ZNF385D: variants seen among roughly 807,000 people sequenced by gnomAD.
ZNF385D encodes the protein zinc finger protein 385D.
In ZNF385D, 15 loss-of-function variants were observed where a neutral mutation model predicts 35.8. That is an observed-to-expected ratio of 0.42 (90% confidence interval 0.28 to 0.64). ZNF385D has a LOEUF of 0.64. Among genes scored for constraint, ZNF385D ranks in the 30% least tolerant of loss-of-function variants. The pLI is 0.23. For synonymous variants in ZNF385D, 212 were observed against 186.8 expected, an observed-to-expected ratio of 1.13 and a Z score of -1.10; for missense variants, 474 against 494.6, an observed-to-expected ratio of 0.96 and a Z score of 0.39.
At chr3:22,030,711 A>C (rs1277617018) in intron 3 of ZNF385D, among the ~76,000 whole-genome samples, 1 of 151,948 alleles carries the variant, frequency 6.6e-6, no homozygotes, top group Non-Finnish European at 1.5e-5. Context: ...GCCCCTCCTA[A>C]ATCTCATGTC....
chr3:21,764,818 T>C (rs1195649907), intron 3 of ZNF385D, among the ~76,000 whole-genome samples: 1 of 152,130 alleles, frequency 6.6e-6, no homozygotes, highest in Non-Finnish European at 1.5e-5. Flanking sequence ...GAAAATACCA[T>C]AAGTTTTTAC....
intron 3 of ZNF385D, among the ~76,000 whole-genome samples, chr3:21,971,261 A>G (rs1703236702): frequency 6.6e-6 from 1 of 152,044 alleles, no homozygotes; most frequent in African/African-American, 2.4e-5. Flanking sequence ...AATAACTACA[A>G]CAACTTAAGA....
rs114699058 is a variant in ZNF385D at position 22,117,133 on chromosome 3, G to T, written c.325+51684C>A. 2.6e-3 allele frequency among the ~76,000 whole-genome samples: 394 copies of T among 152,118 alleles called. 1 individual carries two copies. Among genetic ancestry groups the T allele is most frequent in the African/African-American group, 9.2e-3 (381 of 41,528 alleles). ...CCCACTGGTGAGGCTTTATGTCATGGTATCTAAAACATACTTATGTTAACA... is the reference window on the plus strand; with the variant it reads ...CCCACTGGTGAGGCTTTATGTCATGTTATCTAAAACATACTTATGTTAACA... On this transcript the variant is annotated intron_variant, in intron 3 of 5. Coordinates refer to the ZNF385D transcript ENST00000494108.
intron 4 of ZNF385D, among the ~76,000 whole-genome samples, chr3:21,508,938 A>G (rs1260755672): frequency 6.7e-6 from 1 of 148,366 alleles, no homozygotes; most frequent in Non-Finnish European, 1.5e-5. Context: ...GTCACAACCC[A>G]TTTACTTAAC....
chr3:21,514,419 A>T (rs1477077649), intron 3 of ZNF385D, among the ~76,000 whole-genome samples: 2 of 152,162 alleles, frequency 1.3e-5, no homozygotes, highest in African/African-American at 4.8e-5. Context: ...TATTTTTATT[A>T]AATTGAATTA....
At chr3:21,630,033 AATC>A (rs1200080359) in intron 2 of ZNF385D, among the ~76,000 whole-genome samples, 1 of 152,126 alleles carries the variant, frequency 6.6e-6, no homozygotes, top group African/African-American at 2.4e-5. Flanking sequence ...ATGTCCTCCC[AATC>A]ATCCTATGAA....
chr3:21,844,965 A>G (rs1055316551), intron 3 of ZNF385D, among the ~76,000 whole-genome samples: 2 of 151,998 alleles, frequency 1.3e-5, no homozygotes, highest in African/African-American at 4.8e-5. Flanking sequence ...TAACACTTTA[A>G]AACATGTGTT....
intron 2 of ZNF385D, among the ~76,000 whole-genome samples, chr3:22,250,154 T>C (rs1403926925): frequency 5.3e-5 from 8 of 152,140 alleles, no homozygotes; most frequent in African/African-American, 1.7e-4. Flanking sequence ...CCCAATTTTA[T>C]TTATATGTAG....
chr3:21,675,273 A>G (rs1488729108), intron 1 of ZNF385D, among the ~76,000 whole-genome samples: 1 of 152,012 alleles, frequency 6.6e-6, no homozygotes, highest in Non-Finnish European at 1.5e-5. Flanking sequence ...TATCTTTCTT[A>G]AACATGGATT....
At chr3:22,103,540 ATTAACTT>A (rs1702050268) in intron 3 of ZNF385D, among the ~76,000 whole-genome samples, 1 of 152,070 alleles carries the variant, frequency 6.6e-6, no homozygotes, top group African/African-American at 2.4e-5. Flanking sequence ...ATCTTCAATC[ATTAACTT>A]TTAAGTGGCT....
intron 1 of ZNF385D, among the ~76,000 whole-genome samples, chr3:21,674,746 G>T (rs2066672688): frequency 6.6e-6 from 1 of 152,054 alleles, no homozygotes; most frequent in Non-Finnish European, 1.5e-5. Flanking sequence ...CTTCCTTCTA[G>T]CCAACATTAC....
At chr3:22,119,755 A>T (rs1702991013) in intron 3 of ZNF385D, among the ~76,000 whole-genome samples, 1 of 152,078 alleles carries the variant, frequency 6.6e-6, no homozygotes, top group Non-Finnish European at 1.5e-5. Flanking sequence ...ATTCCCTGGG[A>T]TTTCTCTGCT....
At chr3:21,801,564 T>G (rs920674364) in intron 3 of ZNF385D, among the ~76,000 whole-genome samples, 8 of 152,210 alleles carry the variant, frequency 5.3e-5, no homozygotes, top group African/African-American at 1.9e-4. Flanking sequence ...GATGAGGCAC[T>G]GTTACCTTTT....
At position 21,465,993 on chromosome 3, in the gene ZNF385D, A is replaced by G. The variant is rs896786145; in HGVS notation, c.440-28790T>C. Among the ~76,000 whole-genome samples, 10 of 152,158 alleles carry G rather than the reference A, an allele frequency of 6.6e-5. No individual in the cohort carries two copies. The highest frequency in any genetic ancestry group is 1.9e-4 in the African/African-American group (8 of 41,450). On this transcript the variant is annotated intron_variant, in intron 4 of 7. Coordinates refer to ENST00000281523, the MANE Select transcript of ZNF385D (RefSeq NM_024697.3). This position sits in a 1 kb window ranked among gnomAD's most constrained non-coding sequence, Gnocchi z 4.2. ...AAAAATCTTAGAAAAGTGGGTCTCC[A>G]TCTTCATTTCTAATAGCAGAGTGGT...
At chr3:21,505,336 C>A (rs1162834774) in intron 4 of ZNF385D, among the ~76,000 whole-genome samples, 1 of 151,866 alleles carries the variant, frequency 6.6e-6, no homozygotes, top group East Asian at 1.9e-4. Flanking sequence ...TTGAAGGAAG[C>A]CATGATAGTG....
chr3:21,992,024 C>A (rs993142887), intron 3 of ZNF385D, among the ~76,000 whole-genome samples: 1 of 152,162 alleles, frequency 6.6e-6, no homozygotes, highest in African/African-American at 2.4e-5. Flanking sequence ...TTAGCATGCT[C>A]ATCTCTGGAA....
intron 3 of ZNF385D, among the ~76,000 whole-genome samples, chr3:22,038,609 T>G (rs1698476645): frequency 6.6e-6 from 1 of 152,178 alleles, no homozygotes. Flanking sequence ...CCTCATTTGC[T>G]TTTTTAACAG....
intron 3 of ZNF385D, among the ~76,000 whole-genome samples, chr3:21,885,664 C>T (rs1698501527): frequency 6.6e-6 from 1 of 150,716 alleles, no homozygotes; most frequent in South Asian, 2.1e-4. Context: ...AATTTTATAT[C>T]AGTGAAAATT....
intron 1 of ZNF385D, among the ~76,000 whole-genome samples, chr3:21,702,559 C>T (rs2067730575): frequency 6.6e-6 from 1 of 152,256 alleles, no homozygotes; most frequent in African/African-American, 2.4e-5. Context: ...CAAATTTCTG[C>T]AGCCAGCTTG....
Sources: gnomAD v4.1 joint callset for allele counts (sites outside exome capture counted in the v4.1 genomes callset) on GRCh38, gnomAD v4.1.1 for gene constraint, Gnocchi (gnomAD v3.1) non-coding constraint, MANE v1.5 for transcripts, NCBI Gene and HGNC (gene_info 2026-07-23, HGNC 2026-07-21) for gene names.